STOX2: variants seen among roughly 807,000 people sequenced by gnomAD.
STOX2 encodes storkhead-box protein 2.
Under a neutral mutation model 60.9 loss-of-function variants are expected in STOX2, and 28 were observed. The observed-to-expected ratio is 0.46, with a 90% CI of 0.34 to 0.63. The LOEUF (loss-of-function observed/expected upper bound fraction) is 0.63, where lower values mean the gene tolerates loss of function less well. Among genes scored for constraint, STOX2 ranks in the 30% least tolerant of loss-of-function variants. STOX2 has a pLI of 0.01. For synonymous variants in STOX2, 472 were observed against 463.9 expected, an observed-to-expected ratio of 1.02 and a Z score of -0.22; for missense variants, 1,024 against 1,187.7, an observed-to-expected ratio of 0.86 and a Z score of 2.03.
Position 184,001,274 on chromosome 4 carries a change from G to A in STOX2, c.167-51G>A, listed in dbSNP as rs1733580210. ...GACGCGTGAAGGCGTGTGTCTGACA[G>A]ATGACCGGGTCTTTTAATGAACCAC... is the stretch of plus-strand genomic sequence containing the variant. On this transcript the variant is annotated intron_variant, in intron 1 of 3. Coordinates refer to ENST00000308497, the MANE Select transcript of STOX2 (RefSeq NM_020225.3). The surrounding 1 kb of genome is among the most constrained non-coding windows in gnomAD (Gnocchi z 4.2). 6.3e-7 allele frequency: 1 copy of A among 1,596,086 alleles called. No homozygotes were observed.
chr4:183,994,929 G>T (rs1222180709), intron 1 of STOX2, among the ~76,000 whole-genome samples: 1 of 152,094 alleles, frequency 6.6e-6, no homozygotes, highest in Non-Finnish European at 1.5e-5. Flanking sequence ...GAATGTTGGT[G>T]CTTGAAAAAA....
intron 1 of STOX2, among the ~76,000 whole-genome samples, chr4:183,944,805 ATGTT>A (rs902364145): frequency 6.6e-6 from 1 of 152,232 alleles, no homozygotes; most frequent in African/African-American, 2.4e-5. Flanking sequence ...CTAGTAAAGA[ATGTT>A]TGGATAATTT....
At chr4:183,967,479 G>T (rs1305227927) in intron 1 of STOX2, among the ~76,000 whole-genome samples, 4 of 152,116 alleles carry the variant, frequency 2.6e-5, no homozygotes, top group Non-Finnish European at 5.9e-5. Flanking sequence ...AGGAAGAAAG[G>T]GGAACATGAT....
intron 1 of STOX2, among the ~76,000 whole-genome samples, chr4:183,826,090 G>C (rs1365731288): frequency 2.0e-5 from 3 of 152,094 alleles, no homozygotes; most frequent in Non-Finnish European, 4.4e-5. Flanking sequence ...CCCACTCCCA[G>C]GGACTCTAGC....
chr4:183,914,676 TTTCTGTTCCCC>T (rs1159986458), intron 1 of STOX2, among the ~76,000 whole-genome samples: 2 of 152,278 alleles, frequency 1.3e-5, no homozygotes, highest in African/African-American at 4.8e-5. Flanking sequence ...CTTTCTGTGC[TTTCTGTTCCCC>T]TTCTTGGAGG....
At chr4:183,985,232 C>T (rs1732795658) in intron 1 of STOX2, among the ~76,000 whole-genome samples, 1 of 152,162 alleles carries the variant, frequency 6.6e-6, no homozygotes, top group African/African-American at 2.4e-5. Context: ...TAGGTTTTGA[C>T]ATTTTTTTGT....
At chr4:183,839,023 G>A (rs55890220) in intron 1 of STOX2, among the ~76,000 whole-genome samples, 12,741 of 150,558 alleles carry the variant, frequency 0.085, 1,707 homozygotes, top group African/African-American at 0.29. Flanking sequence ...ACGCGCGCGC[G>A]CACACACACA....
At chr4:183,860,053 G>T (rs1740394912) in intron 1 of STOX2, among the ~76,000 whole-genome samples, 1 of 151,562 alleles carries the variant, frequency 6.6e-6, no homozygotes, top group Non-Finnish European at 1.5e-5. Flanking sequence ...ATATAATTCT[G>T]CAATTAAATA....
chr4:183,934,308 A>C (rs74653001), intron 1 of STOX2, among the ~76,000 whole-genome samples: 17,174 of 152,068 alleles, frequency 0.11, 1,174 homozygotes, highest in South Asian at 0.2. Flanking sequence ...CTCTCAAAAA[A>C]ATAAAAAATA....
intron 1 of STOX2, among the ~76,000 whole-genome samples, chr4:183,858,597 AGAAG>A (rs146831784): frequency 0.014 from 2,198 of 152,078 alleles, 50 homozygotes; most frequent in African/African-American, 0.045. Flanking sequence ...AAAAAGAGAA[AGAAG>A]GAAGGAAGGA....
At chr4:183,838,959 A>G (rs1467500364) in intron 1 of STOX2, among the ~76,000 whole-genome samples, 1 of 152,182 alleles carries the variant, frequency 6.6e-6, no homozygotes, top group Non-Finnish European at 1.5e-5. Context: ...AGCCAGAGAA[A>G]GAGAACCAAT....
At chr4:183,862,657 A>G (rs968727828) in intron 1 of STOX2, among the ~76,000 whole-genome samples, 1 of 152,180 alleles carries the variant, frequency 6.6e-6, no homozygotes, top group Non-Finnish European at 1.5e-5. Flanking sequence ...TGGCAAGAAG[A>G]AGCCATGCGA....
At chr4:183,895,341 A>G (rs1741317628) in intron 1 of STOX2, among the ~76,000 whole-genome samples, 2 of 152,222 alleles carry the variant, frequency 1.3e-5, no homozygotes, top group South Asian at 4.1e-4. Context: ...TTGTTCCTTT[A>G]TGATCTGAAG....
At chr4:183,964,584 C>T (rs1743506202) in intron 1 of STOX2, among the ~76,000 whole-genome samples, 1 of 152,072 alleles carries the variant, frequency 6.6e-6, no homozygotes, top group Non-Finnish European at 1.5e-5. Context: ...ATTGGTGAGT[C>T]GTTTTTGTTT....
intron 1 of STOX2, among the ~76,000 whole-genome samples, chr4:183,893,961 G>C (rs978048810): frequency 6.6e-6 from 1 of 152,162 alleles, no homozygotes. Context: ...AGACCAGCTC[G>C]GGCAACATGG....
rs1734511738 is a variant in STOX2, at chr4:184,019,987, G to A, written c.*2703G>A. 1.3e-5 allele frequency: 2 copies of A among 152,182 alleles called. No homozygotes were observed. Among genetic ancestry groups the A allele is most frequent in the Admixed American group, 1.3e-4 (2 of 15,272 alleles). 9.4% of individuals were successfully genotyped at this position (152,182 alleles called of 1,614,324 possible). ...TAGCAGCTGAAAGGTTTACAAAACT[G>A]AATCTGGTTGAATCTCTGTGAAAGG... On this transcript the variant is annotated 3_prime_UTR_variant, in exon 4 of 4. Coordinates refer to ENST00000308497, the MANE Select transcript of STOX2 (RefSeq NM_020225.3).
At chr4:183,859,377 G>A (rs1216186929) in intron 1 of STOX2, among the ~76,000 whole-genome samples, 1 of 152,236 alleles carries the variant, frequency 6.6e-6, no homozygotes, top group African/African-American at 2.4e-5. Flanking sequence ...AGGAAGAAAG[G>A]GTGTCCATCG....
intron 1 of STOX2, among the ~76,000 whole-genome samples, chr4:183,823,393 T>C (rs1302856077): frequency 6.6e-6 from 1 of 152,062 alleles, no homozygotes; most frequent in Admixed American, 6.6e-5. Context: ...CAAAACTCCG[T>C]CTAAAAACAA....
At chr4:183,851,720 AGAAAGGATGAGG>A (rs1740144647) in intron 1 of STOX2, among the ~76,000 whole-genome samples, 2 of 76,046 alleles carry the variant, frequency 2.6e-5, no homozygotes, top group Non-Finnish European at 5.1e-5. Context: ...AAAGGATGAG[AGAAAGGATGAGG>A]GAAAGGATGA....
Sources: allele counts gnomAD v4.1 joint callset (sites outside exome capture counted in the v4.1 genomes callset), GRCh38; gene constraint gnomAD v4.1.1; non-coding constraint Gnocchi (gnomAD v3.1); transcripts MANE v1.5; gene names NCBI Gene and HGNC (gene_info 2026-07-23, HGNC 2026-07-21).